The following TRPC7 variants were observed in gnomAD, a reference collection of about 807,000 sequenced individuals.
TRPC7 encodes transient receptor potential cation channel subfamily C member 7.
TRPC7 carries 42 observed loss-of-function variants against 90.1 expected under a neutral mutation model. The observed-to-expected ratio is 0.47, with a 90% confidence interval of 0.36 to 0.60. The LOEUF (loss-of-function observed/expected upper bound fraction) is 0.60, where lower values mean the gene tolerates loss of function less well. TRPC7 is among the 20% of genes least tolerant of loss of function. The probability of loss-of-function intolerance (pLI) is 0.00; values close to 1 mark genes in which losing one functional copy is unlikely to be tolerated. For missense variants in TRPC7, 955 were observed against 1,112.3 expected (o/e 0.86, Z 2.01); for synonymous variants, 451 against 436.3 (o/e 1.03, Z -0.42).
At chr5:136,218,491 G>T (rs898464885) in intron 10 of TRPC7, among the ~76,000 whole-genome samples, 3 of 152,150 alleles carry the variant, frequency 2.0e-5, no homozygotes, top group African/African-American at 7.2e-5. Flanking sequence ...TCAGTTTCTG[G>T]ATCCAACAAT....
intron 4 of TRPC7, among the ~76,000 whole-genome samples, chr5:136,269,591 ACT>A (rs1295488588): frequency 6.6e-6 from 1 of 152,054 alleles, no homozygotes; most frequent in African/African-American, 2.4e-5. Context: ...GCCAAATGCC[ACT>A]CTCGCTTTCC....
chr5:136,346,652 C>T (rs1050698420), intron 2 of TRPC7, among the ~76,000 whole-genome samples: 2 of 152,188 alleles, frequency 1.3e-5, no homozygotes, highest in Non-Finnish European at 2.9e-5. Context: ...TAATAACCTC[C>T]GGTTTTCTCC....
intron 6 of TRPC7, among the ~76,000 whole-genome samples, chr5:136,250,437 T>C (rs1348551015): frequency 6.6e-6 from 1 of 152,204 alleles, no homozygotes; most frequent in African/African-American, 2.4e-5. Flanking sequence ...CCCTTCAAGA[T>C]GTTGTAGCTA....
Position 136,213,649 on chromosome 5 carries a change from C to CA in TRPC7, c.2420-46_2420-45insT, listed in dbSNP as rs1755164627. 3 of 1,604,792 alleles carry CA rather than the reference C, an allele frequency of 1.9e-6. No homozygotes were observed. The African/African-American group carries it at 4.0e-5, about 22-fold the overall frequency. ...TTTGCTGAGTCTGAGTAGGTGGAAG[C>CA]TCGGGGCTTGTCCCATGCACATGTG... On this transcript the variant is annotated intron_variant, in intron 11 of 11. Transcript: ENST00000513104.
intron 2 of TRPC7, among the ~76,000 whole-genome samples, chr5:136,333,626 A>G (rs896665359): frequency 2.6e-5 from 4 of 152,160 alleles, no homozygotes; most frequent in African/African-American, 9.7e-5. Context: ...AGGCAGAAGG[A>G]TAGGTAGAAT....
In TRPC7 at chr5:136,251,602, G is replaced by A. The variant is rs376461149; in HGVS notation, c.1579+47C>T. Reference sequence around the variant, plus strand: ...AGCCACAGTGAAGCACCAGGCCCACGTCCCGGAAGCGCCAAAATGGAGTAG... The same window carrying A: ...AGCCACAGTGAAGCACCAGGCCCACATCCCGGAAGCGCCAAAATGGAGTAG... On this transcript the variant is annotated intron_variant, in intron 6 of 11. Transcript: ENST00000513104. 200 of 1,458,092 alleles carry A rather than the reference G, an allele frequency of 1.4e-4. 2 individuals carry two copies. The highest frequency in any genetic ancestry group is 3.7e-5 in the Non-Finnish European group (39 of 1,064,646). The allele number at this position is 1,458,092 out of a possible 1,614,324, so 90.3% of individuals were successfully genotyped here.
At chr5:136,236,247 G>A (rs1755975211) in intron 7 of TRPC7, among the ~76,000 whole-genome samples, 1 of 152,188 alleles carries the variant, frequency 6.6e-6, no homozygotes. Context: ...ACTGTAAGCA[G>A]GGAGGCTCTG....
intron 7 of TRPC7, among the ~76,000 whole-genome samples, chr5:136,236,773 T>A (rs1306885926): frequency 6.6e-6 from 1 of 152,140 alleles, no homozygotes; most frequent in African/African-American, 2.4e-5. Context: ...AGGAGAGGGT[T>A]CAGGGTGACA....
chr5:136,335,448 C>T (rs922121004), intron 2 of TRPC7, among the ~76,000 whole-genome samples: 5 of 152,082 alleles, frequency 3.3e-5, no homozygotes, highest in South Asian at 4.1e-4. Context: ...GGATTCTAAT[C>T]TACAGTGTCT....
At chr5:136,308,844 G>A (rs181196459) in intron 3 of TRPC7, among the ~76,000 whole-genome samples, 1 of 152,308 alleles carries the variant, frequency 6.6e-6, no homozygotes, top group Admixed American at 6.5e-5. Flanking sequence ...ATATCAGCAG[G>A]CGGAGGACTT....
At chr5:136,325,141 C>T (rs953131799) in intron 2 of TRPC7, among the ~76,000 whole-genome samples, 1 of 152,148 alleles carries the variant, frequency 6.6e-6, no homozygotes, top group Admixed American at 6.5e-5. Flanking sequence ...ATTAAATTGT[C>T]ACAACTATTC....
At chr5:136,314,954 T>C (rs934467792) in intron 3 of TRPC7, among the ~76,000 whole-genome samples, 1 of 152,184 alleles carries the variant, frequency 6.6e-6, no homozygotes, top group Non-Finnish European at 1.5e-5. Context: ...CTTTTGCTCC[T>C]TATAATCTTA....
At chr5:136,297,271 G>C (rs1185147781) in intron 3 of TRPC7, among the ~76,000 whole-genome samples, 3 of 152,074 alleles carry the variant, frequency 2.0e-5, no homozygotes, top group Non-Finnish European at 4.4e-5. Flanking sequence ...CAGGGGCTGG[G>C]TCTTATTTAT....
At chr5:136,244,547 T>C (rs137903687) in intron 7 of TRPC7, among the ~76,000 whole-genome samples, 8 of 152,334 alleles carry the variant, frequency 5.3e-5, no homozygotes, top group African/African-American at 1.9e-4. Context: ...ATTCCCTCAT[T>C]CTTGTTCATA....
chr5:136,252,923 G>A (rs1184078805), intron 5 of TRPC7, among the ~76,000 whole-genome samples: 1 of 152,164 alleles, frequency 6.6e-6, no homozygotes, highest in Non-Finnish European at 1.5e-5. Context: ...TCCCTGTGAG[G>A]TAGCCTGAGC....
chr5:136,320,805 A>C (rs1023904905), intron 2 of TRPC7, among the ~76,000 whole-genome samples: 13 of 152,136 alleles, frequency 8.5e-5, no homozygotes, highest in African/African-American at 2.7e-4. Flanking sequence ...ATCTACATGA[A>C]CAACCCTTAA....
intron 2 of TRPC7, among the ~76,000 whole-genome samples, chr5:136,331,367 G>C (rs1032472854): frequency 6.6e-6 from 1 of 152,128 alleles, no homozygotes; most frequent in Admixed American, 6.5e-5. Context: ...TCTAGGGTGT[G>C]CTGAGCTCTG....
Position 136,274,473 on chromosome 5 carries a change from T to C in TRPC7, c.1128+200A>G, listed in dbSNP as rs543248069. ...AAAATTTTATTGCTCCTCTCTCTCT[T>C]TGAAAAAAAAAAGATTTAAAAAAGC... On this transcript the variant is annotated intron_variant, in intron 4 of 11. Coordinates refer to ENST00000513104, the MANE Select transcript of TRPC7 (RefSeq NM_020389.3). Among the ~76,000 whole-genome samples the C allele has an allele frequency of 4.6e-5, 7 of 151,662 alleles. No individual in the cohort carries two copies. The East Asian group carries it at 1.3e-3, about 29-fold the overall frequency.
intron 3 of TRPC7, among the ~76,000 whole-genome samples, chr5:136,300,994 A>G (rs1409938170): frequency 3.3e-5 from 5 of 152,184 alleles, no homozygotes; most frequent in Admixed American, 2.6e-4. Flanking sequence ...TCCCACCCAA[A>G]AGAATTGGAT....
Sources: gnomAD v4.1 joint callset for allele counts (sites outside exome capture counted in the v4.1 genomes callset) on GRCh38, gnomAD v4.1.1 for gene constraint, MANE v1.5 for transcripts, NCBI Gene and HGNC (gene_info 2026-07-23, HGNC 2026-07-21) for gene names.